The following DKK2 variants were observed in gnomAD, a reference collection of about 807,000 sequenced individuals.
DKK2 encodes dickkopf Wnt signaling pathway inhibitor 2.
In DKK2, 11 loss-of-function variants were observed where a neutral mutation model predicts 28.1. The observed-to-expected ratio is 0.39, with a 90% confidence interval of 0.25 to 0.65. DKK2 has a LOEUF of 0.65. DKK2 is among the 30% of genes least tolerant of loss of function. The pLI, the probability that DKK2 is intolerant of heterozygous loss-of-function variation, is 0.47. For synonymous variants in DKK2, 135 were observed against 126.5 expected (o/e 1.07, Z -0.45); for missense variants, 326 against 335.5 (o/e 0.97, Z 0.22).
chr4:106,922,513 G>A lies in DKK2; in HGVS notation c.*1441C>T, dbSNP rs1724360967. The A allele has an allele frequency of 6.6e-6, 1 of 152,196 alleles. No homozygotes were observed. Among genetic ancestry groups the A allele is most frequent in the South Asian group, 2.1e-4 (1 of 4,830 alleles). The allele number at this position is 152,196 out of a possible 1,614,324, so 9.4% of individuals were successfully genotyped here. A position where few individuals can be genotyped will look rare whatever the true frequency, so the allele number is the denominator to read the frequency against. ...ATATTTTTTAACCGCAATGGCTGCA[G>A]AAAACCGAAACTAGCCCTTTGGCAA... On this transcript the variant is annotated 3_prime_UTR_variant, in exon 4 of 4. Transcript: ENST00000285311.
At chr4:106,962,912 A>T (rs188409636) in intron 1 of DKK2, among the ~76,000 whole-genome samples, 9 of 152,128 alleles carry the variant, frequency 5.9e-5, no homozygotes, top group South Asian at 2.1e-4. Flanking sequence ...TCAATAGAAA[A>T]AAAATAAAAT....
At chr4:106,941,678 T>C (rs1422373745) in intron 1 of DKK2, among the ~76,000 whole-genome samples, 1 of 152,086 alleles carries the variant, frequency 6.6e-6, no homozygotes, top group Admixed American at 6.6e-5. Context: ...TTGAGAGAGT[T>C]TGGGCAGCGT....
intron 1 of DKK2, among the ~76,000 whole-genome samples, chr4:106,995,579 T>C (rs1034349278): frequency 9.2e-5 from 14 of 152,170 alleles, no homozygotes; most frequent in African/African-American, 3.4e-4. Flanking sequence ...ATATGCAGAA[T>C]GAGGTCACTG....
intron 1 of DKK2, among the ~76,000 whole-genome samples, chr4:107,024,982 GA>G (rs573012049): frequency 7.9e-4 from 120 of 152,294 alleles, no homozygotes; most frequent in Non-Finnish European, 1.4e-3. Context: ...AATCATGTAT[GA>G]AACATCAGAG....
intron 1 of DKK2, among the ~76,000 whole-genome samples, chr4:107,016,505 G>C (rs79151481): frequency 0.011 from 1,676 of 151,974 alleles, 22 homozygotes; most frequent in African/African-American, 0.036. Flanking sequence ...TTCTTAGAAA[G>C]CTCTGCTCTG....
intron 1 of DKK2, among the ~76,000 whole-genome samples, chr4:107,017,363 A>G (rs1461618451): frequency 6.6e-6 from 1 of 152,032 alleles, no homozygotes; most frequent in African/African-American, 2.4e-5. Flanking sequence ...TAGCTGTTTA[A>G]AGGCAGAGCC....
chr4:106,958,681 C>T (rs1266697919), intron 1 of DKK2, among the ~76,000 whole-genome samples: 1 of 151,350 alleles, frequency 6.6e-6, no homozygotes, highest in Admixed American at 6.6e-5. Flanking sequence ...ACTAAAAATG[C>T]AAAAAATTAG....
intron 1 of DKK2, among the ~76,000 whole-genome samples, chr4:106,963,759 G>A (rs374301522): frequency 1.3e-5 from 2 of 152,160 alleles, no homozygotes; most frequent in East Asian, 1.9e-4. Context: ...ATTCATAATA[G>A]CCAAGATAGG....
intron 1 of DKK2, among the ~76,000 whole-genome samples, chr4:106,973,669 T>C (rs1403092094): frequency 3.9e-5 from 6 of 152,210 alleles, no homozygotes. Context: ...AAAAATTTTC[T>C]CCCATACTAT....
chr4:106,963,562 G>A (rs911205067), intron 1 of DKK2, among the ~76,000 whole-genome samples: 63 of 152,138 alleles, frequency 4.1e-4, no homozygotes, highest in Admixed American at 1.7e-3. Context: ...GAAGAGAGAG[G>A]AACCCTCATA....
intron 1 of DKK2, among the ~76,000 whole-genome samples, chr4:106,931,568 TATTA>T (rs1455136837): frequency 7.2e-5 from 11 of 151,978 alleles, no homozygotes; most frequent in African/African-American, 2.4e-4. Context: ...ATAACTTGAC[TATTA>T]ATTAAACATT....
chr4:106,946,718 A>G (rs1299185132), intron 1 of DKK2, among the ~76,000 whole-genome samples: 1 of 151,922 alleles, frequency 6.6e-6, no homozygotes, highest in East Asian at 1.9e-4. Context: ...TCAACCTCTG[A>G]TGCGGTTGTT....
intron 1 of DKK2, among the ~76,000 whole-genome samples, chr4:107,028,306 T>A (rs1394992958): frequency 2.6e-5 from 4 of 152,080 alleles, no homozygotes; most frequent in Non-Finnish European, 5.9e-5. Context: ...TCATATGCAT[T>A]AGTTTAGTCA....
Position 106,936,285 on chromosome 4 carries a change from C to CTGAA in DKK2, c.223-10340_223-10337dup, listed in dbSNP as rs574993727. Among the ~76,000 whole-genome samples the CTGAA allele has an allele frequency of 4.4e-3, 667 of 152,162 alleles. 5 individuals are homozygous for CTGAA. Among genetic ancestry groups the CTGAA allele is most frequent in the African/African-American group, 0.016 (644 of 41,506 alleles). ...GAAGTGCTTAAAGGAGCTGATGGAGCTGAAAACCAAGGCTCAAGAACTACG... is the reference window on the plus strand; with the variant it reads ...GAAGTGCTTAAAGGAGCTGATGGAGCTGAATGAAAACCAAGGCTCAAGAACTACG... On this transcript the variant is annotated intron_variant, in intron 1 of 3. Coordinates refer to ENST00000285311, the MANE Select transcript of DKK2 (RefSeq NM_014421.3).
chr4:106,944,281 C>A (rs1188386393), intron 1 of DKK2, among the ~76,000 whole-genome samples: 1 of 152,016 alleles, frequency 6.6e-6, no homozygotes, highest in Non-Finnish European at 1.5e-5. Flanking sequence ...TGATCCTAAA[C>A]AAATTGAGTT....
chr4:107,026,499 CAA>C (rs2110375922), intron 1 of DKK2, among the ~76,000 whole-genome samples: 1 of 152,132 alleles, frequency 6.6e-6, no homozygotes, highest in East Asian at 1.9e-4. Flanking sequence ...GTTTCTTTAA[CAA>C]GTCTATCACA....
intron 1 of DKK2, among the ~76,000 whole-genome samples, chr4:106,958,814 GCAA>G (rs1401597336): frequency 6.9e-6 from 1 of 143,964 alleles, no homozygotes; most frequent in Non-Finnish European, 1.5e-5. Context: ...TCTAGCCTGG[GCAA>G]CAAGAGTGAA....
In DKK2 at chr4:106,923,827, A is replaced by G. The variant is rs1435568608; in HGVS notation, c.*127T>C. The G allele has an allele frequency of 2.3e-6, 3 of 1,290,866 alleles. No individual in the cohort carries two copies. Among genetic ancestry groups the G allele is most frequent in the African/African-American group, 1.5e-5 (1 of 66,944 alleles). 80.0% of individuals were successfully genotyped at this position (1,290,866 alleles called of 1,614,324 possible). A position where few individuals can be genotyped will look rare whatever the true frequency, so the allele number is the denominator to read the frequency against. ...GTTTTCTTTCTCCCTTTTTGTGATC[A>G]TCTATATTCTTATCACGTTTCTTAT... On this transcript the variant is annotated 3_prime_UTR_variant, in exon 4 of 4. Coordinates refer to ENST00000285311, the MANE Select transcript of DKK2 (RefSeq NM_014421.3).
intron 1 of DKK2, among the ~76,000 whole-genome samples, chr4:107,012,624 G>A (rs1723532610): frequency 6.6e-6 from 1 of 151,296 alleles, no homozygotes; most frequent in African/African-American, 2.4e-5. Context: ...GTGGGGAAGT[G>A]TGAGAATGGG....
Sources: allele counts gnomAD v4.1 joint callset (sites outside exome capture counted in the v4.1 genomes callset), GRCh38; gene constraint gnomAD v4.1.1; transcripts MANE v1.5; gene names NCBI Gene and HGNC (gene_info 2026-07-23, HGNC 2026-07-21).